Variants in MAPDA observed in about 807,000 individuals in gnomAD.
MAPDA encodes N6,N6-dimethyl-AMP deaminase.
chr15:43,330,822 C>G, the MAPDA span: 50 of 240,320 alleles, frequency 2.1e-4, no homozygotes, highest in African/African-American at 1.1e-3. Context: ...AAAAGGGAAA[C>G]CTTGCCTAAG....
the MAPDA span, among the ~76,000 whole-genome samples, chr15:43,340,644 A>G: frequency 1.3e-5 from 2 of 152,144 alleles, no homozygotes; most frequent in African/African-American, 2.4e-5. Context: ...CTCAGCCTCT[A>G]AAAGTGCTGG....
At chr15:43,345,754 T>C in the MAPDA span, 1 of 1,401,626 alleles carries the variant, frequency 7.1e-7, no homozygotes, top group East Asian at 2.3e-5. Flanking sequence ...CCTAGTGAGA[T>C]GTATTACACG....
the MAPDA span, among the ~76,000 whole-genome samples, chr15:43,341,299 G>C: frequency 0.19 from 28,154 of 152,144 alleles, 2,766 homozygotes; most frequent in Middle Eastern, 0.28. Context: ...ACGTTGTACT[G>C]GTGAGAGTAG....
the MAPDA span, among the ~76,000 whole-genome samples, chr15:43,341,529 A>G: frequency 6.6e-6 from 1 of 152,318 alleles, no homozygotes; most frequent in South Asian, 2.1e-4. Context: ...ACCTAGTAGT[A>G]TCTTCTCTAT....
At chr15:43,350,518 C>T in the MAPDA span, among the ~76,000 whole-genome samples, 1 of 152,268 alleles carries the variant, frequency 6.6e-6, no homozygotes, top group East Asian at 1.9e-4. Context: ...CTTTATAATG[C>T]TCTCACACCT....
At chr15:43,332,423 A>G in the MAPDA span, 1 of 152,198 alleles carries the variant, frequency 6.6e-6, no homozygotes, top group South Asian at 2.1e-4. Flanking sequence ...AAAAATACGT[A>G]GCACCATAGA....
the MAPDA span, among the ~76,000 whole-genome samples, chr15:43,347,686 C>T: frequency 6.6e-6 from 1 of 152,066 alleles, no homozygotes; most frequent in Non-Finnish European, 1.5e-5. Context: ...TATTTTTTAC[C>T]TCAGTACTTC....
At chr15:43,340,393 T>A in the MAPDA span, 2 of 1,539,540 alleles carry the variant, frequency 1.3e-6, no homozygotes, top group Admixed American at 3.4e-5. Flanking sequence ...GTCCTTTTCC[T>A]ATGTGCTTTG....
the MAPDA span, chr15:43,340,284 A>G: frequency 1.9e-6 from 3 of 1,614,156 alleles, no homozygotes; most frequent in Non-Finnish European, 2.5e-6. Flanking sequence ...GATGTCATAA[A>G]AGAATTTGCA....
chr15:43,348,801 C>T, the MAPDA span: 51 of 1,166,768 alleles, frequency 4.4e-5, no homozygotes, highest in Admixed American at 1.4e-3. Context: ...TCCAAAAGGT[C>T]TGCATTAAGT....
chr15:43,331,974 A>G, the MAPDA span: 1 of 152,344 alleles, frequency 6.6e-6, no homozygotes, highest in East Asian at 1.9e-4. Flanking sequence ...GGTTGAAGGA[A>G]CAGAAAAATG....
the MAPDA span, chr15:43,330,555 C>T: frequency 6.8e-7 from 1 of 1,481,052 alleles, no homozygotes; most frequent in Non-Finnish European, 8.9e-7. Context: ...TAGCACACAC[C>T]TCACGGACCT....
At chr15:43,351,620 A>C in the MAPDA span, 1 of 801,914 alleles carries the variant, frequency 1.2e-6, no homozygotes, top group Non-Finnish European at 1.9e-6. Context: ...TGCATAGATA[A>C]ATTTGTAGGC....
the MAPDA span, among the ~76,000 whole-genome samples, chr15:43,334,544 C>CT: frequency 2.7e-5 from 4 of 148,640 alleles, no homozygotes; most frequent in African/African-American, 9.8e-5. Context: ...AGGAGAATCA[C>CT]TTGAACCCAG....
chr15:43,354,182 A>G, the MAPDA span: 6 of 152,180 alleles, frequency 3.9e-5, no homozygotes, highest in African/African-American at 1.4e-4. Context: ...ATTTGGTCAG[A>G]GAAGTTTTCT....
chr15:43,331,100 T>G, the MAPDA span, among the ~76,000 whole-genome samples: 1 of 152,216 alleles, frequency 6.6e-6, no homozygotes, highest in Non-Finnish European at 1.5e-5. Flanking sequence ...TTACAAATAA[T>G]TTATAGACAC....
chr15:43,340,237 A>G, the MAPDA span: 2 of 1,597,148 alleles, frequency 1.3e-6, no homozygotes, highest in Non-Finnish European at 1.7e-6. Context: ...AACATTATCA[A>G]TATTGTGTAC....
the MAPDA span, chr15:43,351,250 C>CAGG: frequency 2.0e-6 from 1 of 512,414 alleles, no homozygotes. Context: ...CACTTGAACC[C>CAGG]AGGAGGAGGA....
chr15:43,330,406 G>A, the MAPDA span: 1 of 1,575,602 alleles, frequency 6.3e-7, no homozygotes, highest in Non-Finnish European at 8.6e-7. Flanking sequence ...ACCCGCGCGC[G>A]GCCAGGGAAC....
Sources: allele counts gnomAD v4.1 joint callset (sites outside exome capture counted in the v4.1 genomes callset), GRCh38; gene constraint gnomAD v4.1.1; transcripts MANE v1.5; gene names NCBI Gene and HGNC (gene_info 2026-07-23, HGNC 2026-07-21).